DENND4A: variants seen among roughly 807,000 people sequenced by gnomAD.
DENND4A encodes the protein C-myc promoter-binding protein.
Under a neutral mutation model 199.3 loss-of-function variants are expected in DENND4A, and 70 were observed. The ratio of observed to expected loss-of-function variants is 0.35; its 90% CI spans 0.29 to 0.43. The LOEUF is 0.43. Ranked by LOEUF, DENND4A falls within the 20% of genes least tolerant of loss-of-function variation. The probability of loss-of-function intolerance (pLI) is 1.00; values close to 1 mark genes in which losing one functional copy is unlikely to be tolerated. For synonymous variants in DENND4A, 686 were observed against 766.9 expected, an observed-to-expected ratio of 0.89 and a Z score of 1.74; for missense variants, 1,723 against 2,255.8, an observed-to-expected ratio of 0.76 and a Z score of 4.78.
intron 14 of DENND4A, among the ~76,000 whole-genome samples, chr15:65,706,726 C>T (rs2075073623): frequency 6.6e-6 from 1 of 152,128 alleles, no homozygotes; most frequent in Admixed American, 6.5e-5. Context: ...GATCTCTTGA[C>T]CTTGTGATCT....
At chr15:65,741,937 T>A (rs568859709) in intron 4 of DENND4A, among the ~76,000 whole-genome samples, 153 bp from the exon 5 acceptor site, 5 of 152,306 alleles carry the variant, frequency 3.3e-5, no homozygotes, top group African/African-American at 1.2e-4. Context: ...TTGTCAATAT[T>A]TTATTGGAAT....
Position 65,661,937 on chromosome 15 carries a change from G to A in DENND4A, c.5638C>T (p.Gln1880Ter). The A allele has an allele frequency of 6.2e-7, 1 of 1,613,232 alleles. No individual in the cohort carries two copies. Among genetic ancestry groups the A allele is most frequent in the Admixed American group, 1.7e-5 (1 of 59,956 alleles). Residue 1880 changes from glutamine (Q) to a stop codon, truncating the protein, a stop_gained, in exon 33 of 33, where the codon CAA becomes TAA. Transcript: ENST00000443035. LOFTEE classifies it high-confidence loss of function. ...TCACAGTTGTGTGTACTCTTGACTT[G>A]ACTAGGTGTGAGACGATCGTATGCC... is the stretch of plus-strand genomic sequence containing the variant. ...KMAYDRLTPS[Q>*]VKSTHNCDRP...
At chr15:65,699,915 T>C (rs2077290239) in intron 20 of DENND4A, among the ~76,000 whole-genome samples, 2 of 151,916 alleles carry the variant, frequency 1.3e-5, no homozygotes, top group African/African-American at 4.8e-5. Context: ...TGGGCTCAAG[T>C]GAACCACCCA....
chr15:65,721,624 C>T (rs188937281), intron 12 of DENND4A, among the ~76,000 whole-genome samples: 14 of 149,436 alleles, frequency 9.4e-5, no homozygotes, highest in Non-Finnish European at 1.8e-4. Context: ...AAGAGAAAGA[C>T]GACGTCTCAC....
At chr15:65,714,282 G>A (rs917530256) in intron 14 of DENND4A, among the ~76,000 whole-genome samples, 4 of 151,956 alleles carry the variant, frequency 2.6e-5, no homozygotes, top group South Asian at 2.1e-4. Context: ...GCATGGTGGC[G>A]GGTGCCTGTA....
rs1240086659 is a variant in DENND4A at position 65,661,791 on chromosome 15, G to A, written c.*60C>T. 7.2e-7 allele frequency: 1 copy of A among 1,386,266 alleles called. No individual in the cohort carries two copies. The highest frequency in any genetic ancestry group is 9.7e-7 in the Non-Finnish European group (1 of 1,031,738). The allele number at this position is 1,386,266 out of a possible 1,614,324, so 85.9% of individuals were successfully genotyped here. On this transcript the variant is annotated 3_prime_UTR_variant, in exon 33 of 33. Coordinates refer to ENST00000443035, the MANE Select transcript of DENND4A (RefSeq NM_001320835.1). ...AAGAAAAAATATTTAGAGTCTAAAA[G>A]TGTTATTTTATACACTGACTATACA...
At chr15:65,701,935 T>C in intron 17 of DENND4A, 45 bp from the exon 18 acceptor site, 3 of 1,609,902 alleles carry the variant, frequency 1.9e-6, no homozygotes, top group Non-Finnish European at 2.5e-6. Flanking sequence ...GATGTCACCA[T>C]GTACATAAAT....
intron 26 of DENND4A, 21 bp downstream of exon 26, chr15:65,669,992 G>C: frequency 6.3e-7 from 1 of 1,586,024 alleles, no homozygotes; most frequent in Non-Finnish European, 8.6e-7. Context: ...CCTTAAACAT[G>C]AAGGAAAAAA....
chr15:65,674,397 A>G (rs1483819220), intron 24 of DENND4A, among the ~76,000 whole-genome samples: 2 of 152,210 alleles, frequency 1.3e-5, no homozygotes, highest in Admixed American at 1.3e-4. Context: ...AGGGTTCTAG[A>G]TGCTATGAAT....
intron 32 of DENND4A, among the ~76,000 whole-genome samples, chr15:65,662,201 G>A (rs1729306075): frequency 6.6e-6 from 1 of 152,180 alleles, no homozygotes; most frequent in African/African-American, 2.4e-5. Context: ...AGGTACAGAT[G>A]TTAAAAACCA....
chr15:65,790,668 C>A (rs1290434532), intron 1 of DENND4A, among the ~76,000 whole-genome samples: 1 of 152,092 alleles, frequency 6.6e-6, no homozygotes, highest in Non-Finnish European at 1.5e-5. Context: ...ATGTTTAATT[C>A]TGCCCAAAAC....
Position 65,700,645 on chromosome 15 carries a change from T to C in DENND4A, c.2732A>G (p.His911Arg), listed in dbSNP as rs1475827248. 3 of 1,543,358 alleles carry C rather than the reference T, an allele frequency of 1.9e-6. No individual in the cohort carries two copies. The highest frequency in any genetic ancestry group is 2.5e-5 in the East Asian group (1 of 40,632). ...CCCATGACCACTATCCATGCTGCCA[T>C]GACTAACAGCATCCAGGTCACTGCC... ...ADGSDLDAVS[H>R]GSMDSGHGTH... The change falls in exon 20 of 33, where the codon CAT (histidine) becomes CGT (arginine). Residue 911 changes from histidine (H) to arginine (R), a missense_variant. By Grantham distance (29) the His-to-Arg change is conservative (BLOSUM62 0). Coordinates refer to ENST00000443035, the MANE Select transcript of DENND4A (RefSeq NM_001320835.1).
At chr15:65,773,543 G>A (rs1047861608) in intron 1 of DENND4A, among the ~76,000 whole-genome samples, 1 of 152,202 alleles carries the variant, frequency 6.6e-6, no homozygotes, top group African/African-American at 2.4e-5. Flanking sequence ...ATAGAGGAGA[G>A]ATGGAAGGGG....
Position 65,660,135 on chromosome 15 carries a change from C to G in DENND4A, c.*1716G>C. On this transcript the variant is annotated 3_prime_UTR_variant, in exon 33 of 33. Transcript: ENST00000443035. ...AACAAGTAGAACATGAAGCTTGGAT[C>G]TGAATAGTAAAGAATAATATTGGAG... 3.4e-6 allele frequency: 2 copies of G among 581,346 alleles called. No homozygotes were observed. Among genetic ancestry groups the G allele is most frequent in the South Asian group, 4.4e-5 (2 of 45,268 alleles). 36.0% of individuals were successfully genotyped at this position (581,346 alleles called of 1,614,324 possible).
At chr15:65,785,461 A>T (rs1209410038) in intron 1 of DENND4A, among the ~76,000 whole-genome samples, 3 of 150,778 alleles carry the variant, frequency 2.0e-5, no homozygotes, top group Non-Finnish European at 3.0e-5. Context: ...CCGCGCTCCA[A>T]CCTGGGTGAC....
At chr15:65,706,723 T>C (rs910301742) in intron 14 of DENND4A, among the ~76,000 whole-genome samples, 1 of 152,142 alleles carries the variant, frequency 6.6e-6, no homozygotes, top group African/African-American at 2.4e-5. Flanking sequence ...CTCGATCTCT[T>C]GACCTTGTGA....
At chr15:65,772,706 CAAAAAAAAAAAAAAA>C (rs34181353) in intron 1 of DENND4A, among the ~76,000 whole-genome samples, 5 of 33,568 alleles carry the variant, frequency 1.5e-4, no homozygotes, top group African/African-American at 5.9e-4. Context: ...GACTCCGTCT[CAAAAAAAAAAAAAAA>C]AAAAAAAAAA....
chr15:65,784,607 C>T (rs2077518328), intron 1 of DENND4A, among the ~76,000 whole-genome samples: 1 of 152,056 alleles, frequency 6.6e-6, no homozygotes, highest in Non-Finnish European at 1.5e-5. Flanking sequence ...TGATTTTAGT[C>T]CTTTAAGGCA....
At chr15:65,727,523 A>AGGCT (rs1265727891) in intron 11 of DENND4A, among the ~76,000 whole-genome samples, 8 of 150,964 alleles carry the variant, frequency 5.3e-5, no homozygotes, top group Non-Finnish European at 1.0e-4. Context: ...GCTACCTGGG[A>AGGCT]GGCTGAGGCA....
Sources: allele counts gnomAD v4.1 joint callset (sites outside exome capture counted in the v4.1 genomes callset), GRCh38; gene constraint gnomAD v4.1.1; transcripts MANE v1.5; gene names NCBI Gene and HGNC (gene_info 2026-07-23, HGNC 2026-07-21).